The following PTPRD variants were observed in gnomAD, a reference collection of about 807,000 sequenced individuals.
PTPRD encodes the protein protein tyrosine phosphatase receptor type D, also known as receptor-type tyrosine-protein phosphatase delta.
PTPRD carries 34 observed loss-of-function variants against 214.5 expected under a neutral mutation model. That is an observed-to-expected ratio of 0.16 (90% CI 0.12 to 0.21). The LOEUF (loss-of-function observed/expected upper bound fraction) is 0.21. PTPRD is among the 10% of genes least tolerant of loss of function. The pLI is 1.00. For missense variants in PTPRD, 2,545 were observed against 2,398.7 expected (o/e 1.06, Z -1.27); for synonymous variants, 1,128 against 845.7 (o/e 1.33, Z -5.79).
At chr9:10,030,295 G>A (rs56244081) in intron 4 of PTPRD, among the ~76,000 whole-genome samples, 8 of 150,536 alleles carry the variant, frequency 5.3e-5, no homozygotes. Flanking sequence ...TTCTTTTGGG[G>A]AAACTGGGTA....
intron 12 of PTPRD, among the ~76,000 whole-genome samples, chr9:8,639,436 AC>A (rs1301419699): frequency 6.6e-6 from 1 of 151,754 alleles, no homozygotes; most frequent in Non-Finnish European, 1.5e-5. Flanking sequence ...TAGCCTAAAA[AC>A]TGTCAACCGG....
intron 11 of PTPRD, among the ~76,000 whole-genome samples, chr9:8,855,114 G>C (rs922327477): frequency 7.4e-5 from 9 of 121,800 alleles, no homozygotes; most frequent in Non-Finnish European, 1.5e-4. Flanking sequence ...AAAACTTGGG[G>C]GAATGCCTAC....
intron 3 of PTPRD, among the ~76,000 whole-genome samples, chr9:10,168,435 T>C (rs576667661): frequency 1.3e-5 from 2 of 152,296 alleles, no homozygotes; most frequent in South Asian, 4.1e-4. Flanking sequence ...ACAGCTGCTG[T>C]TTGCCTGGAA....
chr9:9,688,735 A>G (rs1385118100), intron 7 of PTPRD, among the ~76,000 whole-genome samples: 1 of 151,840 alleles, frequency 6.6e-6, no homozygotes. Flanking sequence ...ATATTTCTCT[A>G]ATTTCCTTAG....
At chr9:10,459,209 C>T (rs1448927604) in intron 2 of PTPRD, among the ~76,000 whole-genome samples, 1 of 152,114 alleles carries the variant, frequency 6.6e-6, no homozygotes, top group Non-Finnish European at 1.5e-5. Context: ...TCATCCATGT[C>T]CCTGCAAAAG....
intron 11 of PTPRD, among the ~76,000 whole-genome samples, chr9:8,807,191 G>A (rs906013662): frequency 3.9e-5 from 6 of 152,000 alleles, no homozygotes; most frequent in Admixed American, 3.3e-4. Flanking sequence ...CAAAAAATTA[G>A]CCAGGCATGG....
intron 3 of PTPRD, among the ~76,000 whole-genome samples, chr9:10,052,949 T>C (rs1171051755): frequency 2.6e-5 from 4 of 152,106 alleles, no homozygotes; most frequent in African/African-American, 9.7e-5. Context: ...TTATATTATA[T>C]TTCAATAATT....
At chr9:8,655,549 A>C (rs1187990415) in intron 12 of PTPRD, among the ~76,000 whole-genome samples, 2 of 151,836 alleles carry the variant, frequency 1.3e-5, no homozygotes, top group Non-Finnish European at 2.9e-5. Flanking sequence ...CAACAATATG[A>C]ATATGAAGGT....
intron 35 of PTPRD, among the ~76,000 whole-genome samples, chr9:8,433,975 A>ATTTGTTTG (rs747633196): frequency 6.8e-6 from 1 of 148,042 alleles, no homozygotes; most frequent in Non-Finnish European, 1.5e-5. Context: ...TAGGGGCACC[A>ATTTGTTTG]TTTGTTTGTT....
intron 2 of PTPRD, among the ~76,000 whole-genome samples, chr9:10,387,377 G>T (rs1586893996): frequency 6.6e-6 from 1 of 151,978 alleles, no homozygotes; most frequent in South Asian, 2.1e-4. Context: ...ACTAAGTACA[G>T]GTTAAGGAAA....
At chr9:9,707,152 TG>T (rs1287255986) in intron 7 of PTPRD, among the ~76,000 whole-genome samples, 3 of 152,178 alleles carry the variant, frequency 2.0e-5, no homozygotes, top group African/African-American at 7.2e-5. Context: ...GGGATTCTTT[TG>T]TATATCGGTA....
At chr9:9,713,573 T>C (rs2097771143) in intron 7 of PTPRD, among the ~76,000 whole-genome samples, 1 of 152,178 alleles carries the variant, frequency 6.6e-6, no homozygotes, top group African/African-American at 2.4e-5. Flanking sequence ...ATGAGAGATT[T>C]TTGACATTTT....
In PTPRD at chr9:10,211,058, A is replaced by G. The variant is rs868450809; in HGVS notation, c.-545+129905T>C. On this transcript the variant is annotated intron_variant, in intron 3 of 45. Transcript: ENST00000381196. The stretch of plus-strand genomic sequence containing the variant: ...CAGTATATGATTTTTAAATTACTGT[A>G]TGAAACAATTACCTTAATATTTAAT... Among the ~76,000 whole-genome samples, 40 of 152,000 alleles carry G rather than the reference A, an allele frequency of 2.6e-4. 1 individual carries two copies. In the Middle Eastern group the frequency reaches 0.01, roughly 39 times the overall value.
At chr9:9,260,752 T>C (rs1213628214) in intron 9 of PTPRD, among the ~76,000 whole-genome samples, 1 of 151,850 alleles carries the variant, frequency 6.6e-6, no homozygotes, top group Non-Finnish European at 1.5e-5. Context: ...TGAAATAAAA[T>C]GGTAGACGAC....
intron 3 of PTPRD, among the ~76,000 whole-genome samples, chr9:10,305,554 G>C (rs766393673): frequency 6.6e-6 from 1 of 151,998 alleles, no homozygotes; most frequent in South Asian, 2.1e-4. Context: ...AATCTACAAA[G>C]AGCTTAAACA....
At chr9:8,548,539 G>C (rs904622443) in intron 14 of PTPRD, among the ~76,000 whole-genome samples, 2 of 151,122 alleles carry the variant, frequency 1.3e-5, no homozygotes, top group Non-Finnish European at 3.0e-5. Context: ...GGCTAATTTT[G>C]GTATTTTTAG....
chr9:9,194,257 C>G (rs2099936933), intron 9 of PTPRD, among the ~76,000 whole-genome samples: 1 of 152,100 alleles, frequency 6.6e-6, no homozygotes, highest in Non-Finnish European at 1.5e-5. Context: ...TCCTGAACGA[C>G]CTGCCAGAGG....
At chr9:8,984,348 T>C (rs1023851551) in intron 11 of PTPRD, among the ~76,000 whole-genome samples, 1 of 152,072 alleles carries the variant, frequency 6.6e-6, no homozygotes, top group African/African-American at 2.4e-5. Flanking sequence ...AATTGTTTTT[T>C]AAAAAATAAA....
At chr9:9,393,369 G>A (rs1012107196) in intron 9 of PTPRD, among the ~76,000 whole-genome samples, 1 of 152,174 alleles carries the variant, frequency 6.6e-6, no homozygotes, top group Non-Finnish European at 1.5e-5. Flanking sequence ...TTGGAGCTGA[G>A]CTGCATGCTA....
Sources: allele counts gnomAD v4.1 joint callset (sites outside exome capture counted in the v4.1 genomes callset), GRCh38; gene constraint gnomAD v4.1.1; transcripts MANE v1.5; gene names NCBI Gene and HGNC (gene_info 2026-07-23, HGNC 2026-07-21).